The following PDE4DIP variants were observed in gnomAD, a reference collection of about 807,000 sequenced individuals.
PDE4DIP encodes the protein myomegalin.
A neutral mutation model predicts 221.4 loss-of-function variants in PDE4DIP; 59 were observed. The ratio of observed to expected loss-of-function variants is 0.27; its 90% CI spans 0.22 to 0.33. PDE4DIP has a LOEUF of 0.33. PDE4DIP is among the 10% of genes least tolerant of loss of function. PDE4DIP has a pLI of 1.00. For missense variants in PDE4DIP, 1,036 were observed against 2,154.2 expected, an observed-to-expected ratio of 0.48 and a Z score of 10.28; for synonymous variants, 404 against 815.9, an observed-to-expected ratio of 0.50 and a Z score of 8.60.
intron 21 of PDE4DIP, chr1:148,989,218 C>A (rs781822640): frequency 1.3e-4 from 74 of 562,624 alleles, no homozygotes; most frequent in Non-Finnish European, 1.9e-4. Flanking sequence ...AAAGTTTCAG[C>A]ATTTTAATTC....
chr1:148,885,424 A>C (rs1442552370), upstream of PDE4DIP, among the ~76,000 whole-genome samples: 1 of 151,166 alleles, frequency 6.6e-6, no homozygotes, highest in African/African-American at 2.4e-5. Context: ...GTTTTTGAGA[A>C]ATAACAAAGA....
rs61806590 is a variant in PDE4DIP, at chr1:149,023,807, C to T, written c.6086-638C>T. ...ATATATATGTACATGTATATGTGTGCACATATATATGTACATGTATATGTG... is the reference window on the plus strand; with the variant it reads ...ATATATATGTACATGTATATGTGTGTACATATATATGTACATGTATATGTG... On this transcript the variant is annotated intron_variant, in intron 37 of 43. Transcript: ENST00000369354. 4.2e-5 allele frequency among the ~76,000 whole-genome samples: 6 copies of T among 141,256 alleles called. No individual in the cohort carries two copies. The South Asian group carries it at 9.3e-4, about 22-fold the overall frequency. The allele number at this position is 141,256 out of a possible 152,430, so 92.7% of individuals were successfully genotyped here. A position where few individuals can be genotyped will look rare whatever the true frequency, so the allele number is the denominator to read the frequency against.
At chr1:148,954,463 T>G (rs1453071451) in intron 5 of PDE4DIP, among the ~76,000 whole-genome samples, 5 of 152,050 alleles carry the variant, frequency 3.3e-5, no homozygotes, top group African/African-American at 4.8e-5. Flanking sequence ...TGGACCATAT[T>G]AATTAGAATT....
At chr1:148,950,954 CATA>C (rs2053055461) in intron 5 of PDE4DIP, among the ~76,000 whole-genome samples, 1 of 146,018 alleles carries the variant, frequency 6.8e-6, no homozygotes, top group African/African-American at 2.5e-5. Context: ...GGCAGGGCCC[CATA>C]ATGTTTTAAA....
intron 9 of PDE4DIP, among the ~76,000 whole-genome samples, chr1:148,965,103 G>A (rs2057897190): frequency 6.6e-6 from 1 of 152,050 alleles, no homozygotes; most frequent in Non-Finnish European, 1.5e-5. Flanking sequence ...AATAAATATG[G>A]CAAACTAAGA....
chr1:148,919,336 C>T (rs1320501333), intron 1 of PDE4DIP, among the ~76,000 whole-genome samples: 7 of 151,574 alleles, frequency 4.6e-5, no homozygotes, highest in East Asian at 1.9e-4. Flanking sequence ...GCTTTGGGGA[C>T]GACCAGTTTA....
At chr1:148,979,508 C>T (rs781930546) in intron 19 of PDE4DIP, among the ~76,000 whole-genome samples, 1 of 152,186 alleles carries the variant, frequency 6.6e-6, no homozygotes, top group Non-Finnish European at 1.5e-5. Flanking sequence ...TCCAGCTTCT[C>T]TCTGCTTTTT....
At chr1:148,952,208 T>A (rs1245571532) in intron 5 of PDE4DIP, 1 of 1,033,964 alleles carries the variant, frequency 9.7e-7, no homozygotes, top group Non-Finnish European at 1.2e-6. Flanking sequence ...AGTAGTGCTT[T>A]CTGCTCCGCA....
intron 1 of PDE4DIP, among the ~76,000 whole-genome samples, chr1:148,915,075 C>A (rs1224764084): frequency 6.0e-5 from 9 of 150,626 alleles, no homozygotes; most frequent in Admixed American, 4.6e-4. Context: ...GAATGTAACC[C>A]GAGATGTGTA....
exon 13 of PDE4DIP, chr1:148,967,885 G>A (rs1252461526): frequency 2.1e-6 from 2 of 957,730 alleles, no homozygotes; most frequent in Non-Finnish European, 3.3e-6. Flanking sequence ...GTCTCTTCAT[G>A]ATAGGAACAA....
At chr1:149,031,417 A>G (rs1179016436) in intron 43 of PDE4DIP, among the ~76,000 whole-genome samples, 2 of 151,364 alleles carry the variant, frequency 1.3e-5, no homozygotes, top group Admixed American at 1.3e-4. Flanking sequence ...TCTCTGTGAG[A>G]CTGCTGCACC....
At chr1:148,862,202 C>T (rs1182966370) in intron 1 of PDE4DIP, among the ~76,000 whole-genome samples, 1 of 151,040 alleles carries the variant, frequency 6.6e-6, no homozygotes, top group Non-Finnish European at 1.5e-5. Context: ...AGCACTTGTT[C>T]CCAACTGCTA....
At chr1:149,028,165 C>T (rs1214346424) in intron 40 of PDE4DIP, among the ~76,000 whole-genome samples, 5 of 151,926 alleles carry the variant, frequency 3.3e-5, no homozygotes, top group African/African-American at 1.2e-4. Context: ...GTAGGGACAG[C>T]CCTGCCTCCA....
chr1:148,955,793 T>C (rs1242768146), intron 5 of PDE4DIP, among the ~76,000 whole-genome samples: 10 of 152,100 alleles, frequency 6.6e-5, no homozygotes, highest in African/African-American at 2.4e-4. Flanking sequence ...AATTTGGACA[T>C]TAGAGCTTTA....
intron 37 of PDE4DIP, among the ~76,000 whole-genome samples, chr1:149,022,942 A>G (rs1467065889): frequency 1.3e-5 from 2 of 152,250 alleles, no homozygotes; most frequent in Non-Finnish European, 2.9e-5. Context: ...GGGTATAGAT[A>G]GATTTTAAAA....
chr1:148,930,531 A>T (rs1384059622), intron 2 of PDE4DIP: 2 of 151,890 alleles, frequency 1.3e-5, no homozygotes, highest in Admixed American at 1.3e-4. Context: ...AAAAAAAATC[A>T]GTAGCATTTC....
chr1:149,011,173 G>A (rs1244568365), intron 31 of PDE4DIP, among the ~76,000 whole-genome samples: 3 of 146,968 alleles, frequency 2.0e-5, no homozygotes, highest in African/African-American at 5.1e-5. Flanking sequence ...CTTAGTTGCC[G>A]GAGGGTACAC....
chr1:148,870,920 G>A (rs2489131), intron 3 of PDE4DIP, among the ~76,000 whole-genome samples: 1 of 142,742 alleles, frequency 7.0e-6, no homozygotes, highest in Non-Finnish European at 1.5e-5. Flanking sequence ...ATATGCATTT[G>A]GTAGCCTTGG....
At chr1:148,982,620 A>T (rs2872112) in intron 21 of PDE4DIP, 1 of 152,152 alleles carries the variant, frequency 6.6e-6, no homozygotes, top group African/African-American at 2.4e-5. Context: ...GCTTTGTGAG[A>T]TCAACATCAT....
Sources: allele counts gnomAD v4.1 joint callset (sites outside exome capture counted in the v4.1 genomes callset), GRCh38; gene constraint gnomAD v4.1.1; transcripts MANE v1.5; gene names NCBI Gene and HGNC (gene_info 2026-07-23, HGNC 2026-07-21).